TAFA1: variants seen among roughly 807,000 people sequenced by gnomAD.
TAFA1 encodes the protein chemokine-like protein TAFA-1.
A neutral mutation model predicts 18.5 loss-of-function variants in TAFA1; 4 were observed. The ratio of observed to expected loss-of-function variants is 0.22; its 90% CI spans 0.11 to 0.49. TAFA1 has a LOEUF of 0.49. TAFA1 is among the 20% of genes least tolerant of loss of function. The probability of loss-of-function intolerance (pLI) is 0.98; values close to 1 mark genes in which losing one functional copy is unlikely to be tolerated. For missense variants in TAFA1, 147 were observed against 169.0 expected (o/e 0.87, Z 0.72); for synonymous variants, 56 against 55.2 (o/e 1.01, Z -0.06).
At chr3:68,394,701 G>T (rs1427844034) in intron 2 of TAFA1, among the ~76,000 whole-genome samples, 1 of 152,124 alleles carries the variant, frequency 6.6e-6, no homozygotes, top group Non-Finnish European at 1.5e-5. Context: ...AATGGGGAAA[G>T]GATTCCCCAT....
rs1559672497 is a variant in TAFA1, at chr3:68,443,490, A to AAAAAAAC, written c.259+26077_259+26083dup. Among the ~76,000 whole-genome samples, 3 of 138,912 alleles carry AAAAAAAC rather than the reference A, an allele frequency of 2.2e-5. No individual in the cohort carries two copies. In the East Asian group the frequency reaches 6.3e-4, roughly 29 times the overall value. 91.1% of individuals were successfully genotyped at this position (138,912 alleles called of 152,430 possible). The stretch of plus-strand genomic sequence containing the variant: ...GCAATTTACAAAAAAAAAAAAAAAA[A>AAAAAAAC]AAAAAACAAAAAAAAAGAGGTTTGT... On this transcript the variant is annotated intron_variant, in intron 3 of 4. Coordinates refer to ENST00000478136, the MANE Select transcript of TAFA1 (RefSeq NM_213609.4).
chr3:68,363,353 C>A (rs1343526651), intron 2 of TAFA1, among the ~76,000 whole-genome samples: 1 of 152,120 alleles, frequency 6.6e-6, no homozygotes, highest in African/African-American at 2.4e-5. Flanking sequence ...CCTTTCTGTC[C>A]TCTGTGCTAG....
chr3:68,143,447 T>C (rs1321352764), intron 2 of TAFA1, among the ~76,000 whole-genome samples: 1 of 152,176 alleles, frequency 6.6e-6, no homozygotes, highest in Non-Finnish European at 1.5e-5. Flanking sequence ...CTGACAGCAA[T>C]ATACAAAGCA....
intron 2 of TAFA1, among the ~76,000 whole-genome samples, chr3:68,255,161 C>G (rs539588651): frequency 6.6e-6 from 1 of 152,142 alleles, no homozygotes; most frequent in South Asian, 2.1e-4. Flanking sequence ...CTGACACAAA[C>G]AATTAGATTA....
rs117876173 is a variant in TAFA1 at position 68,086,380 on chromosome 3, T to A, written c.118+79636T>A. On this transcript the variant is annotated intron_variant, in intron 2 of 4. Transcript: ENST00000478136. The stretch of plus-strand genomic sequence containing the variant: ...GAATATCTGGGCAGTCCTTTACAAT[T>A]TGCAGAAGTTCTCTTCTTTCTCTTT... Among the ~76,000 whole-genome samples, 773 of 152,316 alleles carry A rather than the reference T, an allele frequency of 5.1e-3. 27 individuals carry two copies. The East Asian group carries it at 0.099, about 19-fold the overall frequency.
At chr3:68,484,732 T>A (rs1475152596) in intron 3 of TAFA1, among the ~76,000 whole-genome samples, 1 of 152,204 alleles carries the variant, frequency 6.6e-6, no homozygotes, top group African/African-American at 2.4e-5. Context: ...TAGTTTCTCA[T>A]ATTTCAAAAT....
At chr3:68,399,199 A>C (rs766268970) in intron 2 of TAFA1, among the ~76,000 whole-genome samples, 1 of 152,192 alleles carries the variant, frequency 6.6e-6, no homozygotes. Context: ...TTTCTTTTTC[A>C]TGATTATCTT....
chr3:68,003,862 A>G (rs1157936356), upstream of TAFA1, among the ~76,000 whole-genome samples: 4 of 152,218 alleles, frequency 2.6e-5, no homozygotes, highest in African/African-American at 9.6e-5. Context: ...ATTCTAGTCT[A>G]TTTAACTGCT....
rs147445241 is a variant in TAFA1 at position 68,523,189 on chromosome 3, A to G, written c.260-15567A>G. On this transcript the variant is annotated intron_variant, in intron 3 of 4. Transcript: ENST00000478136. The stretch of plus-strand genomic sequence containing the variant: ...TGGCAGGGACTATGGCAAACTGGAG[A>G]ACATGAACCCCACCCAAAGGAGAAA... 8.7e-4 allele frequency among the ~76,000 whole-genome samples: 133 copies of G among 152,364 alleles called. No homozygotes were observed. In the East Asian group the frequency reaches 0.023, roughly 26 times the overall value.
chr3:68,124,464 C>A (rs1210244930), intron 2 of TAFA1, among the ~76,000 whole-genome samples: 1 of 152,132 alleles, frequency 6.6e-6, no homozygotes, highest in Non-Finnish European at 1.5e-5. Flanking sequence ...GTGATATGTG[C>A]ATTTGTGAGG....
intron 2 of TAFA1, among the ~76,000 whole-genome samples, chr3:68,083,530 A>G (rs1019414710): frequency 6.6e-6 from 1 of 152,220 alleles, no homozygotes; most frequent in African/African-American, 2.4e-5. Flanking sequence ...CATGGAACAG[A>G]GTCATTCAGA....
intron 2 of TAFA1, among the ~76,000 whole-genome samples, chr3:68,051,709 T>C (rs2064473345): frequency 6.6e-6 from 1 of 152,164 alleles, no homozygotes; most frequent in African/African-American, 2.4e-5. Context: ...ATTTGCAAAT[T>C]ATCATCATGA....
chr3:68,281,240 G>C (rs1412900873), intron 2 of TAFA1, among the ~76,000 whole-genome samples: 1 of 151,990 alleles, frequency 6.6e-6, no homozygotes, highest in Admixed American at 6.6e-5. Flanking sequence ...AGGTTAAAGG[G>C]AAGAATGGAT....
chr3:68,524,064 C>T (rs1387054938), intron 3 of TAFA1, among the ~76,000 whole-genome samples: 1 of 152,152 alleles, frequency 6.6e-6, no homozygotes, highest in Non-Finnish European at 1.5e-5. Flanking sequence ...CTTAAAAGAA[C>T]AAAAATGTAC....
chr3:68,426,399 T>C (rs939328825), intron 3 of TAFA1, among the ~76,000 whole-genome samples: 3 of 151,866 alleles, frequency 2.0e-5, no homozygotes, highest in African/African-American at 7.2e-5. Context: ...TATAAAACTT[T>C]ATAAATAAAA....
chr3:68,465,039 T>C (rs1336799770), intron 3 of TAFA1, among the ~76,000 whole-genome samples: 1 of 152,148 alleles, frequency 6.6e-6, no homozygotes, highest in Non-Finnish European at 1.5e-5. Flanking sequence ...CCGTACAAAA[T>C]AATTCCAATC....
intron 2 of TAFA1, among the ~76,000 whole-genome samples, chr3:68,048,052 A>G (rs114589439): frequency 0.011 from 1,703 of 152,200 alleles, 34 homozygotes; most frequent in African/African-American, 0.039. Context: ...ACATCATGGA[A>G]TCATGAAGGT....
intron 2 of TAFA1, among the ~76,000 whole-genome samples, chr3:68,070,767 A>C (rs959514204): frequency 6.6e-6 from 1 of 152,156 alleles, no homozygotes; most frequent in Non-Finnish European, 1.5e-5. Context: ...CATCTCTCTC[A>C]AGTTCAAAGT....
chr3:68,099,808 A>G (rs190610306), intron 2 of TAFA1, among the ~76,000 whole-genome samples: 10 of 152,334 alleles, frequency 6.6e-5, no homozygotes, highest in African/African-American at 2.4e-4. Context: ...ATGGAATACT[A>G]CACAGCCATA....
Sources: allele counts gnomAD v4.1 joint callset (sites outside exome capture counted in the v4.1 genomes callset), GRCh38; gene constraint gnomAD v4.1.1; transcripts MANE v1.5; gene names NCBI Gene and HGNC (gene_info 2026-07-23, HGNC 2026-07-21).